The following RASGRP4 variants were observed in gnomAD, a reference collection of about 807,000 sequenced individuals.
RASGRP4 encodes RAS guanyl-releasing protein 4.
In RASGRP4, 52 loss-of-function variants were observed where a neutral mutation model predicts 84.4. The ratio of observed to expected loss-of-function variants is 0.62; its 90% CI spans 0.49 to 0.78. The LOEUF (loss-of-function observed/expected upper bound fraction) is 0.78. Ranked by LOEUF, RASGRP4 falls within the 30% of genes least tolerant of loss-of-function variation. The pLI is 0.00. For synonymous variants in RASGRP4, 356 were observed against 359.1 expected (o/e 0.99, Z 0.10); for missense variants, 760 against 886.9 (o/e 0.86, Z 1.82).
Position 38,414,970 on chromosome 19 carries a change from G to T in RASGRP4, c.1108C>A (p.Pro370Thr), listed in dbSNP as rs767704869. The change falls in exon 9 of 17, where the codon CCT (proline) becomes ACT (threonine). Residue 370 changes from proline to threonine, a missense_variant. Coordinates refer to ENST00000615439, the MANE Select transcript of RASGRP4 (RefSeq NM_170604.3). ...TTGGGTAGGTGCAGGCGGCCGTCAG[G>T]CAACCTGTCGGGCTGTGCCTCATGC... ...SLHEAQPDRL[P>T]DGRLHLPKLN... The T allele has an allele frequency of 1.2e-6, 2 of 1,613,554 alleles. No individual in the cohort carries two copies. Among genetic ancestry groups the T allele is most frequent in the Non-Finnish European group, 1.7e-6 (2 of 1,179,760 alleles).
Position 38,413,484 on chromosome 19 carries a change from AC to A in RASGRP4, c.1231-11del. The A allele has an allele frequency of 6.3e-7, 1 of 1,586,260 alleles. No individual in the cohort carries two copies. The highest frequency in any genetic ancestry group is 8.6e-7 in the Non-Finnish European group (1 of 1,165,900). ...AGAGGTCCAGGGAGAGCTGGAGCAG[AC>A]AGGGGTGTTACGGATCCTCCCATCT... On this transcript the variant is annotated splice_polypyrimidine_tract_variant and intron_variant, in intron 9 of 16. Coordinates refer to ENST00000615439, the MANE Select transcript of RASGRP4 (RefSeq NM_170604.3). The surrounding 1 kb of genome is among the most constrained non-coding windows in gnomAD (Gnocchi z 4.7).
intron 14 of RASGRP4, 24 bp from the exon 15 acceptor site, chr19:38,411,273 T>C: frequency 6.2e-7 from 1 of 1,612,980 alleles, no homozygotes; most frequent in Non-Finnish European, 8.5e-7. Flanking sequence ...GCGGCAGGGG[T>C]CCGATCTGTG....
At position 38,413,490 on chromosome 19, in the gene RASGRP4, G is replaced by T; in HGVS notation, c.1231-16C>A. 1.3e-6 allele frequency: 2 copies of T among 1,577,906 alleles called. No individual in the cohort carries two copies. The highest frequency in any genetic ancestry group is 8.6e-7 in the Non-Finnish European group (1 of 1,160,762). On this transcript the variant is annotated splice_polypyrimidine_tract_variant and intron_variant, in intron 9 of 16. Transcript: ENST00000615439. The surrounding 1 kb of genome is among the most constrained non-coding windows in gnomAD (Gnocchi z 4.7). ...CCAGGGAGAGCTGGAGCAGACAGGGGTGTTACGGATCCTCCCATCTATAGC... is the reference window on the plus strand; with the variant it reads ...CCAGGGAGAGCTGGAGCAGACAGGGTTGTTACGGATCCTCCCATCTATAGC...
chr19:38,411,382 C>A lies in RASGRP4; in HGVS notation c.1681-1G>T. On this transcript the variant is annotated splice_acceptor_variant, in intron 13 of 16. Transcript: ENST00000615439. LOFTEE classifies it high-confidence loss of function. ...AGCCTTGCTTGGTGACACCCCAGAGCTGGGAAGAGAAAGGAGAAAAGGTTA... is the reference window on the plus strand; with the variant it reads ...AGCCTTGCTTGGTGACACCCCAGAGATGGGAAGAGAAAGGAGAAAAGGTTA... The A allele has an allele frequency of 1.3e-6, 2 of 1,567,232 alleles. No individual in the cohort carries two copies. The highest frequency in any genetic ancestry group is 1.2e-5 in the South Asian group (1 of 85,578).
Position 38,421,165 on chromosome 19 carries a change from G to T in RASGRP4, c.244C>A (p.Leu82Ile). The part of the protein sequence containing the change: ...AGSLCHEDHM[L>I]NMVLAMHSWV... ...CTGTGCATGGCCAGCACCATGTTGA[G>T]CATGTGGTCCTCGTGGCACAGGCTG... The change falls in exon 3 of 17, where the codon CTC (leucine) becomes ATC (isoleucine). Residue 82 changes from leucine to isoleucine, a missense_variant. Physicochemically the swap from Leu to Ile is conservative, Grantham distance 5. Transcript: ENST00000615439. 1.2e-6 allele frequency: 2 copies of T among 1,613,910 alleles called. No individual in the cohort carries two copies. The highest frequency in any genetic ancestry group is 1.7e-6 in the Non-Finnish European group (2 of 1,179,846).
At chr19:38,422,703 A>C (rs1038744024) in intron 1 of RASGRP4, among the ~76,000 whole-genome samples, 2 of 152,122 alleles carry the variant, frequency 1.3e-5, no homozygotes, top group Admixed American at 1.3e-4. Flanking sequence ...AGATGGGAGC[A>C]TCCAGTTGCA....
intron 13 of RASGRP4, 104 bp from the exon 14 acceptor site, chr19:38,411,485 A>C (rs2145193881): frequency 1.8e-6 from 2 of 1,108,190 alleles, no homozygotes; most frequent in East Asian, 2.6e-5. Context: ...CAGGTTTTGA[A>C]ATTCTCAAGG....
At chr19:38,421,287 C>G in intron 2 of RASGRP4, 87 bp from the exon 3 acceptor site, 2 of 941,850 alleles carry the variant, frequency 2.1e-6, no homozygotes, top group Non-Finnish European at 3.4e-6. Flanking sequence ...CCACCTGGTT[C>G]AAAGACCAGC....
rs1568406230 is a variant in RASGRP4 at position 38,411,009 on chromosome 19, GTGGA to G, written c.1853-15_1853-12del. The G allele has an allele frequency of 6.2e-7, 1 of 1,606,900 alleles. No homozygotes were observed. Among genetic ancestry groups the G allele is most frequent in the South Asian group, 1.1e-5 (1 of 89,802 alleles). ...GATTTTCCTCGGAGCCTGTTTGTGG[GTGGA>G]TGGAAGGGATGTGGGTCTGATGGGA... On this transcript the variant is annotated splice_polypyrimidine_tract_variant and intron_variant, in intron 15 of 16. Coordinates refer to ENST00000615439, the MANE Select transcript of RASGRP4 (RefSeq NM_170604.3).
rs754660962 is a variant in RASGRP4, at chr19:38,414,893, C to T, written c.1185G>A (p.Gln395=). The T allele has an allele frequency of 6.2e-7, 1 of 1,606,932 alleles. No individual in the cohort carries two copies. Among genetic ancestry groups the T allele is most frequent in the South Asian group, 1.1e-5 (1 of 89,832 alleles). Residue 395 remains glutamine (Q), a synonymous_variant, in exon 9 of 17, where the codon CAG becomes CAA. Coordinates refer to ENST00000615439, the MANE Select transcript of RASGRP4 (RefSeq NM_170604.3). Reference sequence around the variant, plus strand: ...CCTCATTGGCGCTGCAGGGTGGATGCTGCCCTTGGAGGGCCACCAGCTCCT... The same window carrying T: ...CCTCATTGGCGCTGCAGGGTGGATGTTGCCCTTGGAGGGCCACCAGCTCCT... ...RLQELVALQG[Q]HPPCSANEDL...
intron 13 of RASGRP4, chr19:38,411,692 CTT>C (rs1041419311): frequency 1.4e-4 from 35 of 258,894 alleles, no homozygotes; most frequent in African/African-American, 7.5e-4. Flanking sequence ...AGACCCATCT[CTT>C]AACAAAATAA....
rs1971615596 is a variant in RASGRP4, at chr19:38,418,802, A to G, written c.664-238T>C. On this transcript the variant is annotated intron_variant, in intron 6 of 16. Transcript: ENST00000615439. The surrounding 1 kb of genome is among the most constrained non-coding windows in gnomAD (Gnocchi z 4.6). ...TATATTTGACAAGTAATCATATTAA[A>G]TAATTTAATCCTCATAACTCTATGA... Among the ~76,000 whole-genome samples the G allele has an allele frequency of 6.6e-6, 1 of 152,242 alleles. No homozygotes were observed. Among genetic ancestry groups the G allele is most frequent in the Non-Finnish European group, 1.5e-5 (1 of 68,038 alleles).
chr19:38,418,441 C>G lies in RASGRP4; in HGVS notation c.787G>C (p.Gly263Arg). 2 of 1,603,192 alleles carry G rather than the reference C, an allele frequency of 1.2e-6. No homozygotes were observed. The highest frequency in any genetic ancestry group is 1.7e-6 in the Non-Finnish European group (2 of 1,175,374). The change falls in exon 7 of 17, where the codon GGG becomes CGG. Residue 263 changes from glycine (G) to arginine (R), a missense_variant. By Grantham distance (125) the Gly-to-Arg change is moderately radical. Transcript: ENST00000615439. This position sits in a 1 kb window ranked among gnomAD's most constrained non-coding sequence, Gnocchi z 4.6. ...AGCACCTGTGCACGCTGTAGGGGCC[C>G]GGGACGGCTCAGCACCATCACCTGC... ...WVQVMVLSRP[G>R]PLQRAQVLDK...
At chr19:38,421,717 AAAAAG>A (rs200114965) in intron 2 of RASGRP4, among the ~76,000 whole-genome samples, 2 of 150,858 alleles carry the variant, frequency 1.3e-5, no homozygotes, top group African/African-American at 2.4e-5. Context: ...GTCTCAAAAG[AAAAAG>A]AAAAGAAAAG....
Position 38,412,234 on chromosome 19 carries a change from C to T in RASGRP4, c.1680+438G>A, listed in dbSNP as rs1423258140. ...CTGGGTTCAAGCAATTCTCGTGCCT[C>T]AGCCTCCTGAGTAGCTGGGATCACA... On this transcript the variant is annotated intron_variant, in intron 13 of 16. Coordinates refer to ENST00000615439, the MANE Select transcript of RASGRP4 (RefSeq NM_170604.3). The surrounding 1 kb of genome is among the most constrained non-coding windows in gnomAD (Gnocchi z 4.6). Among the ~76,000 whole-genome samples, 1 of 152,174 alleles carries T rather than the reference C, an allele frequency of 6.6e-6. No individual in the cohort carries two copies. Among genetic ancestry groups the T allele is most frequent in the Non-Finnish European group, 1.5e-5 (1 of 68,046 alleles).
chr19:38,426,021 AG>A, intron 1 of RASGRP4, 47 bp downstream of exon 1: 1 of 1,336,502 alleles, frequency 7.5e-7, no homozygotes, highest in Non-Finnish European at 9.7e-7. Context: ...TCCCATGCAG[AG>A]GGAGGCCTCA....
Position 38,412,080 on chromosome 19 carries a change from A to AG in RASGRP4, c.1680+591dup, listed in dbSNP as rs1971277522. Among the ~76,000 whole-genome samples, 1 of 144,514 alleles carries AG rather than the reference A, an allele frequency of 6.9e-6. No homozygotes were observed. Among genetic ancestry groups the AG allele is most frequent in the Admixed American group, 7.1e-5 (1 of 14,102 alleles). The allele number at this position is 144,514 out of a possible 152,430, so 94.8% of individuals were successfully genotyped here. ...AATCTACCCGGTTTGGAGATTATCC[A>AG]GGTTTGTTGTTGTTGTTGTTGTTGT... is the stretch of plus-strand genomic sequence containing the variant. On this transcript the variant is annotated intron_variant, in intron 13 of 16. Transcript: ENST00000615439. The surrounding 1 kb of genome is among the most constrained non-coding windows in gnomAD (Gnocchi z 4.6).
chr19:38,412,868 C>T lies in RASGRP4; in HGVS notation c.1536-52G>A, dbSNP rs1971324350. The T allele has an allele frequency of 5.6e-6, 9 of 1,612,554 alleles. No individual in the cohort carries two copies. The highest frequency in any genetic ancestry group is 1.3e-5 in the African/African-American group (1 of 74,996). On this transcript the variant is annotated intron_variant, in intron 12 of 16. Coordinates refer to ENST00000615439, the MANE Select transcript of RASGRP4 (RefSeq NM_170604.3). This position sits in a 1 kb window ranked among gnomAD's most constrained non-coding sequence, Gnocchi z 4.6. Reference sequence around the variant, plus strand: ...TGACCTGCCCCAACGTCCTCCAGACCCAGGAGTCCAGGCAACCCCAGTGTC... The same window carrying T: ...TGACCTGCCCCAACGTCCTCCAGACTCAGGAGTCCAGGCAACCCCAGTGTC...
intron 8 of RASGRP4, among the ~76,000 whole-genome samples, chr19:38,416,335 C>A (rs1016122706): frequency 6.7e-6 from 1 of 150,162 alleles, no homozygotes; most frequent in Non-Finnish European, 1.5e-5. Flanking sequence ...TGGTGGTGCA[C>A]CCCTGTAATC....
Sources: allele counts gnomAD v4.1 joint callset (sites outside exome capture counted in the v4.1 genomes callset), GRCh38; gene constraint gnomAD v4.1.1; non-coding constraint Gnocchi (gnomAD v3.1); transcripts MANE v1.5; gene names NCBI Gene and HGNC (gene_info 2026-07-23, HGNC 2026-07-21).